UTRN: variants seen among roughly 807,000 people sequenced by gnomAD.
The protein encoded by UTRN is dystrophin-related protein 1.
Under a neutral mutation model 463.9 loss-of-function variants are expected in UTRN, and 283 were observed. The ratio of observed to expected loss-of-function variants is 0.61; its 90% CI spans 0.55 to 0.67. UTRN has a LOEUF of 0.67. Ranked by LOEUF, UTRN falls within the 30% of genes least tolerant of loss-of-function variation. The pLI is 0.00. For synonymous variants in UTRN, 1,442 were observed against 1,431.5 expected (o/e 1.01, Z -0.17); for missense variants, 3,922 against 4,084.3 (o/e 0.96, Z 1.08).
At chr6:144,539,952 A>C (rs996971057) in intron 45 of UTRN, among the ~76,000 whole-genome samples, 3 of 151,440 alleles carry the variant, frequency 2.0e-5, no homozygotes, top group African/African-American at 7.3e-5. Context: ...CCGAGGCACG[A>C]GAATTGCCTA....
intron 51 of UTRN, among the ~76,000 whole-genome samples, chr6:144,662,386 C>A (rs978091288): frequency 1.3e-5 from 2 of 152,148 alleles, no homozygotes; most frequent in Non-Finnish European, 2.9e-5. Flanking sequence ...AAGACCAAGG[C>A]CTACTGCTAT....
intron 53 of UTRN, among the ~76,000 whole-genome samples, chr6:144,728,091 A>C (rs1419712891): frequency 2.4e-4 from 30 of 123,140 alleles, no homozygotes; most frequent in Admixed American, 2.2e-3. Context: ...ACAGAGTAAG[A>C]CTCCATCTCA....
chr6:144,487,716 A>G lies in UTRN; in HGVS notation c.3972+19A>G. 2.5e-6 allele frequency: 4 copies of G among 1,587,456 alleles called. No individual in the cohort carries two copies. Among genetic ancestry groups the G allele is most frequent in the South Asian group, 1.2e-5 (1 of 86,870 alleles). ...TCACCTGGTAAGAGTTGGGACATAC[A>G]TGGGTGTTGATTAGGTATTGATGAA... On this transcript the variant is annotated intron_variant, in intron 29 of 74. Coordinates refer to ENST00000367545, the MANE Select transcript of UTRN (RefSeq NM_007124.3).
chr6:144,390,108 A>G (rs989432913), intron 2 of UTRN, among the ~76,000 whole-genome samples: 1 of 152,202 alleles, frequency 6.6e-6, no homozygotes, highest in Non-Finnish European at 1.5e-5. Context: ...ATCACAAATA[A>G]ATGGTAAATA....
chr6:144,476,303 A>G (rs899231519), intron 25 of UTRN, among the ~76,000 whole-genome samples: 1 of 151,750 alleles, frequency 6.6e-6, no homozygotes, highest in Non-Finnish European at 1.5e-5. Flanking sequence ...CAGGAATGAA[A>G]ACAGAAAGAA....
chr6:144,481,760 C>T (rs959048858), intron 26 of UTRN, among the ~76,000 whole-genome samples: 5 of 152,206 alleles, frequency 3.3e-5, no homozygotes, highest in Admixed American at 6.5e-5. Flanking sequence ...ATTCTTATTT[C>T]AAAAACGCTC....
intron 2 of UTRN, among the ~76,000 whole-genome samples, chr6:144,362,043 C>A (rs138604055): frequency 0.012 from 1,798 of 151,470 alleles, 36 homozygotes; most frequent in Middle Eastern, 0.058. Flanking sequence ...GCAACAACAA[C>A]AAAAAAAGGA....
At chr6:144,747,060 A>G (rs1044252163) in intron 54 of UTRN, among the ~76,000 whole-genome samples, 2 of 152,222 alleles carry the variant, frequency 1.3e-5, no homozygotes, top group African/African-American at 2.4e-5. Context: ...TACACTGAGG[A>G]TGAAAGTTAC....
At chr6:144,677,953 C>CT (rs1378943429) in intron 51 of UTRN, among the ~76,000 whole-genome samples, 1 of 152,096 alleles carries the variant, frequency 6.6e-6, no homozygotes. Context: ...GGGTTGTTTG[C>CT]TTTTTTTCTT....
chr6:144,477,083 C>T (rs1432340264), intron 25 of UTRN, among the ~76,000 whole-genome samples: 6 of 151,974 alleles, frequency 3.9e-5, no homozygotes, highest in Admixed American at 3.9e-4. Context: ...TGAGATCCAC[C>T]GTCTAAGTGA....
intron 58 of UTRN, among the ~76,000 whole-genome samples, chr6:144,765,284 CAA>C (rs1793168645): frequency 6.6e-6 from 1 of 152,106 alleles, no homozygotes; most frequent in Non-Finnish European, 1.5e-5. Context: ...TGTTTTGTAA[CAA>C]ATGTTCTAGT....
chr6:144,475,482 G>A (rs561060776), intron 25 of UTRN, among the ~76,000 whole-genome samples: 27 of 152,130 alleles, frequency 1.8e-4, no homozygotes, highest in Non-Finnish European at 3.7e-4. Context: ...GGCAGAGGAT[G>A]GATTAGCTAT....
rs567120383 is a variant in UTRN, at chr6:144,658,569, A to C, written c.7480-19837A>C. Among the ~76,000 whole-genome samples, 31 of 152,212 alleles carry C rather than the reference A, an allele frequency of 2.0e-4. No individual in the cohort carries two copies. In the East Asian group the frequency reaches 3.3e-3, roughly 16 times the overall value. ...CCCCCCCACTTTGGTCTATGCCCTG[A>C]TGCAAAAAAAGTAAACTTACTTATA... On this transcript the variant is annotated intron_variant, in intron 51 of 74. Coordinates refer to ENST00000367545, the MANE Select transcript of UTRN (RefSeq NM_007124.3).
chr6:144,671,410 G>A (rs1000837860), intron 51 of UTRN, among the ~76,000 whole-genome samples: 6 of 151,790 alleles, frequency 4.0e-5, no homozygotes, highest in African/African-American at 1.5e-4. Flanking sequence ...ATTTTAAAAG[G>A]GGTTGAATTC....
At chr6:144,622,188 T>G (rs1209431178) in intron 51 of UTRN, among the ~76,000 whole-genome samples, 4 of 128,270 alleles carry the variant, frequency 3.1e-5, no homozygotes, top group African/African-American at 1.3e-4. Context: ...TTTGTTGTTT[T>G]TTTTTTTTTT....
intron 51 of UTRN, among the ~76,000 whole-genome samples, chr6:144,657,710 C>G: frequency 6.6e-6 from 1 of 152,142 alleles, no homozygotes; most frequent in East Asian, 1.9e-4. Context: ...ATGGTATTCC[C>G]TGTTGTTCCA....
At chr6:144,596,798 T>A (rs567934202) in intron 51 of UTRN, among the ~76,000 whole-genome samples, 2 of 152,330 alleles carry the variant, frequency 1.3e-5, no homozygotes, top group East Asian at 3.9e-4. Flanking sequence ...GTCTTATAGG[T>A]AACAACAACC....
intron 48 of UTRN, among the ~76,000 whole-genome samples, chr6:144,554,036 G>C (rs934445760): frequency 6.6e-6 from 1 of 152,090 alleles, no homozygotes; most frequent in African/African-American, 2.4e-5. Context: ...GTGATAATGA[G>C]TGAAAGGAAT....
intron 51 of UTRN, among the ~76,000 whole-genome samples, chr6:144,629,524 C>T (rs1776297994): frequency 6.6e-6 from 1 of 152,146 alleles, no homozygotes; most frequent in Admixed American, 6.5e-5. Context: ...GATCAGATCC[C>T]CCTTCTTCTC....
Sources: gnomAD v4.1 joint callset for allele counts (sites outside exome capture counted in the v4.1 genomes callset) on GRCh38, gnomAD v4.1.1 for gene constraint, MANE v1.5 for transcripts, NCBI Gene and HGNC (gene_info 2026-07-23, HGNC 2026-07-21) for gene names.